MAF: variants seen among roughly 807,000 people sequenced by gnomAD.
MAF encodes transcription factor Maf.
In MAF, 10 loss-of-function variants were observed where a neutral mutation model predicts 22.0. That is an observed-to-expected ratio of 0.45 (90% confidence interval 0.28 to 0.77). The LOEUF (loss-of-function observed/expected upper bound fraction) is 0.77. Ranked by LOEUF, MAF falls within the 30% of genes least tolerant of loss-of-function variation. The pLI is 0.12. For missense variants in MAF, 544 were observed against 548.4 expected (o/e 0.99, Z 0.08); for synonymous variants, 337 against 255.8 (o/e 1.32, Z -3.03).
the MAF span, among the ~76,000 whole-genome samples, chr16:79,494,441 G>A: frequency 2.6e-5 from 4 of 152,170 alleles, no homozygotes; most frequent in East Asian, 7.8e-4. Flanking sequence ...AGTAGCCACA[G>A]GGAGTCAAAT....
the MAF span, among the ~76,000 whole-genome samples, chr16:79,221,379 C>T: frequency 1.3e-5 from 2 of 152,146 alleles, no homozygotes; most frequent in African/African-American, 4.8e-5. Flanking sequence ...GAATCCAGAA[C>T]CTTCCAGAAG....
At chr16:79,411,097 A>T in the MAF span, among the ~76,000 whole-genome samples, 2 of 150,874 alleles carry the variant, frequency 1.3e-5, no homozygotes, top group African/African-American at 4.9e-5. Flanking sequence ...TTATTCACCA[A>T]CTCCTCCCTT....
At chr16:79,341,776 G>A in the MAF span, among the ~76,000 whole-genome samples, 6 of 152,196 alleles carry the variant, frequency 3.9e-5, no homozygotes, top group Admixed American at 1.3e-4. Flanking sequence ...GGCTGTGGCA[G>A]TCATAAAGCC....
the MAF span, among the ~76,000 whole-genome samples, chr16:79,309,856 G>T: frequency 6.6e-6 from 1 of 152,216 alleles, no homozygotes; most frequent in South Asian, 2.1e-4. Flanking sequence ...CCCACAACTC[G>T]GCTCCCAGCT....
chr16:79,346,478 G>A, the MAF span, among the ~76,000 whole-genome samples: 1 of 152,036 alleles, frequency 6.6e-6, no homozygotes, highest in South Asian at 2.1e-4. Context: ...GAAGAAAAAG[G>A]GCGTCATTCT....
At chr16:79,563,000 G>A in the MAF span, among the ~76,000 whole-genome samples, 4 of 152,164 alleles carry the variant, frequency 2.6e-5, no homozygotes, top group Admixed American at 1.3e-4. Flanking sequence ...AGGTTCATTT[G>A]TGCCTCCTCC....
chr16:79,282,132 C>G, the MAF span, among the ~76,000 whole-genome samples: 2 of 152,084 alleles, frequency 1.3e-5, no homozygotes, highest in African/African-American at 4.8e-5. Flanking sequence ...GAAACCCCGT[C>G]TCTACTAAAA....
At chr16:79,434,504 A>G in the MAF span, among the ~76,000 whole-genome samples, 2 of 152,200 alleles carry the variant, frequency 1.3e-5, no homozygotes, top group East Asian at 1.9e-4. Context: ...CCAGCCTATT[A>G]TGATGTGAGC....
chr16:79,374,524 C>A, the MAF span, among the ~76,000 whole-genome samples: 3 of 152,226 alleles, frequency 2.0e-5, no homozygotes, highest in African/African-American at 7.2e-5. Context: ...TTTTTGTATC[C>A]TTTTCCAGTG....
At chr16:79,281,368 AAAG>A in the MAF span, among the ~76,000 whole-genome samples, 2 of 152,144 alleles carry the variant, frequency 1.3e-5, no homozygotes, top group African/African-American at 4.8e-5. Context: ...TGGTTTAATA[AAAG>A]AAGTCAGAGG....
the MAF span, among the ~76,000 whole-genome samples, chr16:79,443,733 T>C: frequency 6.6e-6 from 1 of 152,346 alleles, no homozygotes; most frequent in South Asian, 2.1e-4. Context: ...ACAAGTGACT[T>C]ATGTCTGCCT....
chr16:79,215,046 A>C, the MAF span, among the ~76,000 whole-genome samples: 839 of 152,204 alleles, frequency 5.5e-3, 7 homozygotes, highest in Non-Finnish European at 9.0e-3. Flanking sequence ...CAGTCTTGCC[A>C]GTTCACCCCT....
chr16:79,421,794 T>C, the MAF span, among the ~76,000 whole-genome samples: 1 of 152,108 alleles, frequency 6.6e-6, no homozygotes, highest in Non-Finnish European at 1.5e-5. Context: ...TTTTTTTCTT[T>C]TGAGACAGAG....
chr16:79,276,339 G>A, the MAF span, among the ~76,000 whole-genome samples: 1 of 152,204 alleles, frequency 6.6e-6, no homozygotes, highest in East Asian at 1.9e-4. Context: ...GGGGTCCCCA[G>A]CACAGATTTG....
rs528780925 is a variant in MAF, at chr16:79,586,802, C to T, written c.1119-861G>A. On this transcript the variant is annotated intron_variant, in intron 1 of 1. Transcript: ENST00000569649. ...TATAGCTAGTCACAATATAGAAGTT[C>T]GGACTGTCAAAATATATTTAAAATC... 1.8e-4 allele frequency among the ~76,000 whole-genome samples: 27 copies of T among 152,228 alleles called. No individual in the cohort carries two copies. The South Asian group carries it at 5.2e-3, about 29-fold the overall frequency.
chr16:79,214,296 T>A, the MAF span, among the ~76,000 whole-genome samples: 79 of 152,224 alleles, frequency 5.2e-4, 1 homozygote, highest in Non-Finnish European at 1.1e-3. Context: ...GAACTGCTCC[T>A]GTCACACAGC....
At chr16:79,323,797 C>T in the MAF span, among the ~76,000 whole-genome samples, 1 of 152,282 alleles carries the variant, frequency 6.6e-6, no homozygotes, top group South Asian at 2.1e-4. Context: ...ACGAGGGGAC[C>T]TGCAATCCCA....
chr16:79,245,417 T>C, the MAF span, among the ~76,000 whole-genome samples: 3 of 151,892 alleles, frequency 2.0e-5, no homozygotes, highest in African/African-American at 4.8e-5. Flanking sequence ...CAGACACTTA[T>C]CAAAAGAAGA....
the MAF span, among the ~76,000 whole-genome samples, chr16:79,267,987 A>T: frequency 6.6e-6 from 1 of 151,952 alleles, no homozygotes; most frequent in East Asian, 1.9e-4. Context: ...ACTTAATCAC[A>T]CCTCAGTTAC....
Sources: allele counts gnomAD v4.1 joint callset (sites outside exome capture counted in the v4.1 genomes callset), GRCh38; gene constraint gnomAD v4.1.1; transcripts MANE v1.5; gene names NCBI Gene and HGNC (gene_info 2026-07-23, HGNC 2026-07-21).